Variants in DYNLT5 observed in about 807,000 individuals in gnomAD.
DYNLT5 encodes dynein light chain Tctex-type 5.
In DYNLT5, 25 loss-of-function variants were observed where a neutral mutation model predicts 19.3. The ratio of observed to expected loss-of-function variants is 1.30; its 90% CI spans 0.95 to 1.81. DYNLT5 has a LOEUF of 1.81. Among genes scored for constraint, DYNLT5 ranks in the 40% most tolerant of loss-of-function variants. The pLI is 0.00. For missense variants in DYNLT5, 232 were observed against 217.9 expected (o/e 1.06, Z -0.41); for synonymous variants, 82 against 68.9 (o/e 1.19, Z -0.94).
intron 2 of DYNLT5, among the ~76,000 whole-genome samples, chr1:66,763,379 G>A (rs983326052): frequency 2.0e-5 from 3 of 152,184 alleles, no homozygotes; most frequent in African/African-American, 7.2e-5. Flanking sequence ...AAAGGCACAA[G>A]CTGCATTAGC....
intron 4 of DYNLT5, 109 bp downstream of exon 4, chr1:66,776,512 A>G: frequency 7.5e-7 from 1 of 1,340,894 alleles, no homozygotes; most frequent in Non-Finnish European, 1.0e-6. Flanking sequence ...TAACAGTTAA[A>G]ATGCGTATTT....
At chr1:66,774,237 A>G (rs1645221843) in intron 3 of DYNLT5, among the ~76,000 whole-genome samples, 1 of 152,104 alleles carries the variant, frequency 6.6e-6, no homozygotes, top group South Asian at 2.1e-4. Flanking sequence ...TCACATGGTA[A>G]CTTTTGCCAC....
In DYNLT5 at chr1:66,770,698, A is replaced by G. The variant is rs896635299; in HGVS notation, c.211+220A>G. ...TTTACTAATGTTTCCCAAATGCCAAACAATTCACTGGGTGGCACTGATGCA... is the reference window on the plus strand; with the variant it reads ...TTTACTAATGTTTCCCAAATGCCAAGCAATTCACTGGGTGGCACTGATGCA... On this transcript the variant is annotated intron_variant, in intron 3 of 4. Transcript: ENST00000282670. 4.7e-6 allele frequency: 3 copies of G among 642,624 alleles called. No individual in the cohort carries two copies. The South Asian group carries it at 4.7e-5, about 10-fold the overall frequency. The allele number at this position is 642,624 out of a possible 1,614,324, so 39.8% of individuals were successfully genotyped here. A position where few individuals can be genotyped will look rare whatever the true frequency, so the allele number is the denominator to read the frequency against.
At chr1:66,762,428 A>G (rs2094647612) in intron 2 of DYNLT5, among the ~76,000 whole-genome samples, 1 of 152,168 alleles carries the variant, frequency 6.6e-6, no homozygotes, top group South Asian at 2.1e-4. Context: ...GTATCCTTTA[A>G]CAGTAAATCA....
At position 66,754,748 on chromosome 1, in the gene DYNLT5, G is replaced by C. The variant is rs2094633010; in HGVS notation, c.90G>C (p.Trp30Cys). The C allele has an allele frequency of 1.2e-6, 2 of 1,612,368 alleles. No individual in the cohort carries two copies. The highest frequency in any genetic ancestry group is 1.3e-5 in the African/African-American group (1 of 74,812). ...CTTCTCTAAGTAATCATGAATTTTG[G>C]CGAAAGGAAATTCATGGGCGCATCA... The part of the protein sequence containing the change: ...SISSLSNHEF[W>C]RKEIHGRIKD... The change falls in exon 2 of 5, where the codon TGG becomes TGC. Residue 30 changes from tryptophan (W) to cysteine (C), a missense_variant. Physicochemically the swap from Trp to Cys is radical, Grantham distance 215. Transcript: ENST00000282670.
chr1:66,766,368 G>C (rs1046050490), intron 2 of DYNLT5, among the ~76,000 whole-genome samples: 3 of 152,110 alleles, frequency 2.0e-5, no homozygotes, highest in Non-Finnish European at 2.9e-5. Flanking sequence ...TATTGTGCCA[G>C]GTATATGGCA....
chr1:66,774,256 G>A (rs1232461337), intron 3 of DYNLT5, among the ~76,000 whole-genome samples: 3 of 152,194 alleles, frequency 2.0e-5, no homozygotes, highest in East Asian at 3.9e-4. Context: ...ACCAGAAAGA[G>A]GCTGACTCTT....
chr1:66,777,468 A>C lies in DYNLT5; in HGVS notation c.*14A>C. 1 of 1,606,978 alleles carries C rather than the reference A, an allele frequency of 6.2e-7. No homozygotes were observed. The stretch of plus-strand genomic sequence containing the variant: ...TACCTTGAGTGATTGAAAATAAGAA[A>C]TCTAGCTCTTACTTTTGAAAATTCT... On this transcript the variant is annotated 3_prime_UTR_variant, in exon 5 of 5. Transcript: ENST00000282670.
chr1:66,775,783 T>C lies in DYNLT5; in HGVS notation c.212-496T>C, dbSNP rs181052709. Among the ~76,000 whole-genome samples, 392 of 151,712 alleles carry C rather than the reference T, an allele frequency of 2.6e-3. 3 individuals carry two copies. The highest frequency in any genetic ancestry group is 3.5e-3 in the Non-Finnish European group (237 of 67,908). On this transcript the variant is annotated intron_variant, in intron 3 of 4. Coordinates refer to ENST00000282670, the MANE Select transcript of DYNLT5 (RefSeq NM_152665.3). ...CCATTTGAAAACTAAAGAGCAAGAG[T>C]AAGGACACAGGAGCACCTTTATAGA...
intron 3 of DYNLT5, among the ~76,000 whole-genome samples, chr1:66,774,838 A>G (rs1645225508): frequency 6.6e-6 from 1 of 152,202 alleles, no homozygotes; most frequent in African/African-American, 2.4e-5. Flanking sequence ...GATTTTCTAC[A>G]GCCCACTCAG....
intron 3 of DYNLT5, among the ~76,000 whole-genome samples, chr1:66,774,301 A>G (rs1225968623): frequency 2.0e-5 from 3 of 152,130 alleles, no homozygotes; most frequent in Admixed American, 6.6e-5. Flanking sequence ...AAAATTCCAA[A>G]AAAAGACTCT....
chr1:66,755,812 A>T (rs1202586523), intron 2 of DYNLT5: 1 of 152,166 alleles, frequency 6.6e-6, no homozygotes, highest in Non-Finnish European at 1.5e-5. Context: ...TTGCTTCTAA[A>T]CTTTTCTGGC....
chr1:66,762,616 T>C (rs908531603), intron 2 of DYNLT5, among the ~76,000 whole-genome samples: 3 of 152,200 alleles, frequency 2.0e-5, no homozygotes, highest in African/African-American at 7.2e-5. Flanking sequence ...GGTGAATCCT[T>C]TTCAACTTAC....
chr1:66,774,378 G>A (rs1645222729), intron 3 of DYNLT5, among the ~76,000 whole-genome samples: 1 of 147,254 alleles, frequency 6.8e-6, no homozygotes, highest in South Asian at 2.2e-4. Context: ...GGGTTCGCAG[G>A]AGATGATGGG....
chr1:66,756,120 A>G (rs1156504525), intron 2 of DYNLT5, among the ~76,000 whole-genome samples: 2 of 152,252 alleles, frequency 1.3e-5, no homozygotes, highest in Admixed American at 6.5e-5. Context: ...ATATAAATAC[A>G]TATTAAAAAT....
chr1:66,761,638 G>A (rs1388405075), intron 2 of DYNLT5, among the ~76,000 whole-genome samples: 12 of 152,132 alleles, frequency 7.9e-5, no homozygotes, highest in Non-Finnish European at 2.9e-5. Flanking sequence ...AATCAGCCAG[G>A]CATAGTAGTA....
chr1:66,758,417 G>A (rs912430897), intron 2 of DYNLT5, among the ~76,000 whole-genome samples: 6 of 152,106 alleles, frequency 3.9e-5, no homozygotes, highest in Admixed American at 6.5e-5. Flanking sequence ...TATCTGTGAG[G>A]CCAGGAGTTC....
chr1:66,754,563 ACTAT>A (rs1201310554), intron 1 of DYNLT5, 89 bp from the exon 2 acceptor site: 7 of 1,325,804 alleles, frequency 5.3e-6, no homozygotes, highest in Non-Finnish European at 6.9e-6. Flanking sequence ...TGGTAGGAAA[ACTAT>A]CTGTGTACTT....
intron 3 of DYNLT5, among the ~76,000 whole-genome samples, chr1:66,773,208 C>G (rs1213359654): frequency 6.6e-6 from 1 of 152,118 alleles, no homozygotes; most frequent in African/African-American, 2.4e-5. Flanking sequence ...CAAACATGGA[C>G]TGCGAGCACC....
Sources: allele counts gnomAD v4.1 joint callset (sites outside exome capture counted in the v4.1 genomes callset), GRCh38; gene constraint gnomAD v4.1.1; transcripts MANE v1.5; gene names NCBI Gene and HGNC (gene_info 2026-07-23, HGNC 2026-07-21).